Variants in APOL6 observed in about 807,000 individuals in gnomAD.
APOL6 encodes apolipoprotein L6, also known as apolipoprotein L, 6.
In APOL6, 1 loss-of-function variant was observed where a neutral mutation model predicts 2.4. That is an observed-to-expected ratio of 0.41 (90% CI 0.15 to 1.94). The LOEUF (loss-of-function observed/expected upper bound fraction) is 1.94. APOL6 is among the 30% of genes most tolerant of loss of function. APOL6 has a pLI of 0.30. For synonymous variants in APOL6, 189 were observed against 169.3 expected (o/e 1.12, Z -0.90); for missense variants, 438 against 429.2 (o/e 1.02, Z -0.18).
In APOL6 at chr22:35,659,020, G is replaced by C. The variant is rs1255902080; in HGVS notation, c.456G>C (p.Glu152Asp). Reference protein sequence around the residue: ...AEDILPTYDQEDREDEEEKAD... With the variant: ...AEDILPTYDQDDREDEEEKAD... Reference sequence around the variant, plus strand: ...ACATACTGCCCACCTACGACCAAGAGGACAGGGAGGATGAGGAAGAGAAGG... The same window carrying C: ...ACATACTGCCCACCTACGACCAAGACGACAGGGAGGATGAGGAAGAGAAGG... Residue 152 changes from glutamate (E) to aspartate (D), a missense_variant, in exon 3 of 3, where the codon GAG (glutamate) becomes GAC (aspartate). Coordinates refer to ENST00000409652, the MANE Select transcript of APOL6 (RefSeq NM_030641.4). 1 of 1,613,784 alleles carries C rather than the reference G, an allele frequency of 6.2e-7. No individual in the cohort carries two copies. The highest frequency in any genetic ancestry group is 8.5e-7 in the Non-Finnish European group (1 of 1,180,042).
Position 35,658,827 on chromosome 22 carries a change from C to G in APOL6, c.263C>G (p.Ser88Cys), listed in dbSNP as rs201547425. 2.6e-5 allele frequency: 42 copies of G among 1,614,204 alleles called. 1 individual carries two copies. The Admixed American group carries it at 6.5e-4, about 25-fold the overall frequency. Residue 88 changes from serine to cysteine, a missense_variant, in exon 3 of 3, where the codon TCT becomes TGT. Transcript: ENST00000409652. ...GTGGCCACCTCTACTGCTGTCATCT[C>G]TGGAGTGATGAGCCTCCTGGGTTTA... is the stretch of plus-strand genomic sequence containing the variant. ...NMVATSTAVI[S>C]GVMSLLGLAL...
chr22:35,658,825 C>A lies in APOL6; in HGVS notation c.261C>A (p.Ile87=), dbSNP rs763900815. 3.2e-5 allele frequency: 52 copies of A among 1,614,072 alleles called. No individual in the cohort carries two copies. Among genetic ancestry groups the A allele is most frequent in the Non-Finnish European group, 4.1e-5 (48 of 1,180,040 alleles). ...TGGTGGCCACCTCTACTGCTGTCAT[C>A]TCTGGAGTGATGAGCCTCCTGGGTT... ...ANMVATSTAV[I]SGVMSLLGLA... is the part of the protein sequence containing the mutation. Residue 87 remains isoleucine, a synonymous_variant, in exon 3 of 3, where the codon ATC becomes ATA. Transcript: ENST00000409652.
At chr22:35,650,307 T>C (rs911061138) in intron 1 of APOL6, among the ~76,000 whole-genome samples, 1 of 152,214 alleles carries the variant, frequency 6.6e-6, no homozygotes, top group Non-Finnish European at 1.5e-5. Flanking sequence ...GACAGACGTC[T>C]ATATAAGGAT....
At chr22:35,656,555 T>C in intron 2 of APOL6, 80 bp downstream of exon 2, 2 of 1,521,506 alleles carry the variant, frequency 1.3e-6, no homozygotes, top group Non-Finnish European at 1.8e-6. Flanking sequence ...AAGGAATACA[T>C]GTGCTCTGAT....
Position 35,663,192 on chromosome 22 carries a change from C to G in APOL6, c.*3596C>G, listed in dbSNP as rs1043727892. On this transcript the variant is annotated 3_prime_UTR_variant, in exon 3 of 3. Transcript: ENST00000409652. ...CAAGGACTCTGAAGTGGTAGGAAAA[C>G]AGCCAGCTTAAAAAACTTTTTTTAA... The G allele has an allele frequency of 5.9e-5, 9 of 152,140 alleles. No individual in the cohort carries two copies. Among genetic ancestry groups the G allele is most frequent in the African/African-American group, 2.2e-4 (9 of 41,430 alleles). The allele number at this position is 152,140 out of a possible 1,614,324, so 9.4% of individuals were successfully genotyped here.
chr22:35,660,251 T>C lies in APOL6; in HGVS notation c.*655T>C, dbSNP rs1405402248. On this transcript the variant is annotated 3_prime_UTR_variant, in exon 3 of 3. Coordinates refer to ENST00000409652, the MANE Select transcript of APOL6 (RefSeq NM_030641.4). ...AGGGTGAGGTCCTAACCCGATGGAATTGACTTCTTTATAAGAGGAGGAGGA... is the reference window on the plus strand; with the variant it reads ...AGGGTGAGGTCCTAACCCGATGGAACTGACTTCTTTATAAGAGGAGGAGGA... 2.0e-5 allele frequency: 3 copies of C among 152,392 alleles called. No homozygotes were observed. Among genetic ancestry groups the C allele is most frequent in the Non-Finnish European group, 4.4e-5 (3 of 68,212 alleles). The allele number at this position is 152,392 out of a possible 1,614,324, so 9.4% of individuals were successfully genotyped here.
chr22:35,650,021 G>A (rs1439337612), intron 1 of APOL6, among the ~76,000 whole-genome samples: 2 of 152,176 alleles, frequency 1.3e-5, no homozygotes, highest in African/African-American at 4.8e-5. Flanking sequence ...CAGACTCTGC[G>A]TGGCTGGAAT....
intron 1 of APOL6, among the ~76,000 whole-genome samples, chr22:35,655,534 T>G (rs1350928691): frequency 6.6e-6 from 1 of 152,180 alleles, no homozygotes; most frequent in Non-Finnish European, 1.5e-5. Context: ...TCCATGTTGT[T>G]TGGGTATCAG....
In APOL6 at chr22:35,667,280, TGG is replaced by T. The variant is rs1418184837; in HGVS notation, c.*7685_*7686del. On this transcript the variant is annotated 3_prime_UTR_variant, in exon 3 of 3. Transcript: ENST00000409652. ...ATAAGTATTTGATGGCACAAATCCA[TGG>T]CTGGGCATGGCTTTAAGAAAGTCTT... 2 of 152,214 alleles carry T rather than the reference TGG, an allele frequency of 1.3e-5. No individual in the cohort carries two copies. The highest frequency in any genetic ancestry group is 4.8e-5 in the African/African-American group (2 of 41,464). The allele number at this position is 152,214 out of a possible 1,614,324, so 9.4% of individuals were successfully genotyped here. A position where few individuals can be genotyped will look rare whatever the true frequency, so the allele number is the denominator to read the frequency against.
In APOL6 at chr22:35,658,847, G is replaced by C. The variant is rs1924922793; in HGVS notation, c.283G>C (p.Gly95Arg). 2 of 1,614,006 alleles carry C rather than the reference G, an allele frequency of 1.2e-6. No homozygotes were observed. The highest frequency in any genetic ancestry group is 1.7e-6 in the Non-Finnish European group (2 of 1,180,026). ...CATCTCTGGAGTGATGAGCCTCCTG[G>C]GTTTAGCCCTTGCCCCAGCAACAGG... ...AVISGVMSLL[G>R]LALAPATGGG... The change falls in exon 3 of 3, where the codon GGT (glycine) becomes CGT (arginine). Residue 95 changes from glycine to arginine, a missense_variant. By Grantham distance (125) the Gly-to-Arg change is moderately radical. Transcript: ENST00000409652.
Position 35,656,288 on chromosome 22 carries a change from G to T in APOL6, c.-47-91G>T, listed in dbSNP as rs1329707396. 3.2e-6 allele frequency: 3 copies of T among 947,558 alleles called. No individual in the cohort carries two copies. The East Asian group carries it at 7.3e-5, about 23-fold the overall frequency. 58.7% of individuals were successfully genotyped at this position (947,558 alleles called of 1,614,324 possible). A position where few individuals can be genotyped will look rare whatever the true frequency, so the allele number is the denominator to read the frequency against. On this transcript the variant is annotated intron_variant, in intron 1 of 2. Transcript: ENST00000409652. ...TAGTATGCTATGTGGTTGTTATTTT[G>T]ATAGTACATAATCCAAAATCCCTCC...
intron 1 of APOL6, among the ~76,000 whole-genome samples, chr22:35,653,892 GGT>G (rs142030368): frequency 0.026 from 4,031 of 152,298 alleles, 90 homozygotes; most frequent in African/African-American, 0.05. Flanking sequence ...AGTTGTAAGT[GGT>G]GGGTCCCCAG....
intron 1 of APOL6, among the ~76,000 whole-genome samples, chr22:35,653,952 C>A (rs1171327433): frequency 2.0e-5 from 3 of 152,186 alleles, no homozygotes; most frequent in African/African-American, 4.8e-5. Context: ...AAGGTTTCCA[C>A]AACTCCCTCC....
chr22:35,657,188 G>C (rs12157396), intron 2 of APOL6, among the ~76,000 whole-genome samples: 11,898 of 152,124 alleles, frequency 0.078, 976 homozygotes, highest in African/African-American at 0.21. Flanking sequence ...GTTTCTTTTT[G>C]TCTAGCATAC....
At position 35,659,693 on chromosome 22, in the gene APOL6, A is replaced by G; in HGVS notation, c.*97A>G. 1 of 1,449,414 alleles carries G rather than the reference A, an allele frequency of 6.9e-7. No homozygotes were observed. The highest frequency in any genetic ancestry group is 9.1e-7 in the Non-Finnish European group (1 of 1,097,918). The allele number at this position is 1,449,414 out of a possible 1,614,324, so 89.8% of individuals were successfully genotyped here. The stretch of plus-strand genomic sequence containing the variant: ...GTGCCTGTCCTGGACAGACCTCGGC[A>G]TGCCTTCTGTTTCTCCTTCAATGCT... On this transcript the variant is annotated 3_prime_UTR_variant, in exon 3 of 3. Transcript: ENST00000409652.
At chr22:35,653,380 G>T (rs1391403374) in intron 1 of APOL6, among the ~76,000 whole-genome samples, 1 of 152,106 alleles carries the variant, frequency 6.6e-6, no homozygotes, top group African/African-American at 2.4e-5. Flanking sequence ...CTAATTGAAT[G>T]CCCTTTATTT....
rs1924970007 is a variant in APOL6 at position 35,659,752 on chromosome 22, C to CTTGTTTGT, written c.*156_*157insTTGTTTGT. 4 of 1,184,060 alleles carry CTTGTTTGT rather than the reference C, an allele frequency of 3.4e-6. No homozygotes were observed. In the East Asian group the frequency reaches 1.1e-4, roughly 32 times the overall value. 73.3% of individuals were successfully genotyped at this position (1,184,060 alleles called of 1,614,324 possible). ...CCTATGTGCTGGGAAAAGGGTCTTCCCTGTTTGTTTGTTTGTTTGTTTGTT... is the reference window on the plus strand; with the variant it reads ...CCTATGTGCTGGGAAAAGGGTCTTCCTTGTTTGTCTGTTTGTTTGTTTGTTTGTTTGTT... On this transcript the variant is annotated 3_prime_UTR_variant, in exon 3 of 3. Coordinates refer to ENST00000409652, the MANE Select transcript of APOL6 (RefSeq NM_030641.4).
In APOL6 at chr22:35,658,779, A is replaced by G. The variant is rs374537194; in HGVS notation, c.215A>G (p.Lys72Arg). The G allele has an allele frequency of 5.6e-6, 9 of 1,614,090 alleles. No homozygotes were observed. Among genetic ancestry groups the G allele is most frequent in the Non-Finnish European group, 7.6e-6 (9 of 1,180,034 alleles). ...ALADDIDKTH[K>R]KFTKANMVAT... ...GCAGACGATATTGACAAAACCCACA[A>G]GAAATTCACCAAGGCTAACATGGTG... The change falls in exon 3 of 3, where the codon AAG becomes AGG. Residue 72 changes from lysine to arginine, a missense_variant. Transcript: ENST00000409652.
At chr22:35,652,490 A>T (rs372750007) in intron 1 of APOL6, among the ~76,000 whole-genome samples, 1 of 151,930 alleles carries the variant, frequency 6.6e-6, no homozygotes, top group Non-Finnish European at 1.5e-5. Flanking sequence ...GTCCTGAATG[A>T]TATTGCCTAG....
Sources: allele counts gnomAD v4.1 joint callset (sites outside exome capture counted in the v4.1 genomes callset), GRCh38; gene constraint gnomAD v4.1.1; transcripts MANE v1.5; gene names NCBI Gene and HGNC (gene_info 2026-07-23, HGNC 2026-07-21).